The following IFT88 variants were observed in gnomAD, a reference collection of about 807,000 sequenced individuals.
The protein encoded by IFT88 is intraflagellar transport 88.
Under a neutral mutation model 119.5 loss-of-function variants are expected in IFT88, and 74 were observed. That is an observed-to-expected ratio of 0.62 (90% CI 0.51 to 0.75). IFT88 has a LOEUF of 0.75. Ranked by LOEUF, IFT88 falls within the 30% of genes least tolerant of loss-of-function variation. IFT88 has a pLI of 0.00. For missense variants in IFT88, 961 were observed against 977.7 expected, an observed-to-expected ratio of 0.98 and a Z score of 0.23; for synonymous variants, 279 against 316.7, an observed-to-expected ratio of 0.88 and a Z score of 1.26.
At chr13:20,659,080 A>C (rs2053365466) in intron 22 of IFT88, among the ~76,000 whole-genome samples, 1 of 152,252 alleles carries the variant, frequency 6.6e-6, no homozygotes. Context: ...GGATAAAACT[A>C]GCAGGATAAT....
chr13:20,592,376 T>TC lies in IFT88; in HGVS notation c.374dup (p.Leu126PhefsTer8). ...CCTTAGTCAGTCAAGGGGCCCTGCT[T>TC]CCCCTTTGGAAGCCAAGAAAAAAGA... On this transcript the variant is annotated frameshift_variant, in exon 7 of 26. Coordinates refer to ENST00000351808, the MANE Select transcript of IFT88 (RefSeq NM_006531.5). LOFTEE classifies it high-confidence loss of function. 2 of 1,611,492 alleles carry TC rather than the reference T, an allele frequency of 1.2e-6. No homozygotes were observed. The highest frequency in any genetic ancestry group is 1.7e-6 in the Non-Finnish European group (2 of 1,178,998).
chr13:20,568,135 T>C (rs2035318475), intron 1 of IFT88: 10 of 631,590 alleles, frequency 1.6e-5, no homozygotes, highest in South Asian at 9.0e-5. Context: ...TGAAGTAGAC[T>C]GTCCATAGTC....
chr13:20,617,104 C>T (rs914706871), intron 14 of IFT88, among the ~76,000 whole-genome samples: 2 of 152,026 alleles, frequency 1.3e-5, no homozygotes. Context: ...CCACCAAGCC[C>T]AGCTAATTTT....
Position 20,592,371 on chromosome 13 carries a change from C to G in IFT88, c.365C>G (p.Pro122Arg), listed in dbSNP as rs546356595. 1 of 1,611,388 alleles carries G rather than the reference C, an allele frequency of 6.2e-7. No individual in the cohort carries two copies. The highest frequency in any genetic ancestry group is 8.5e-7 in the Non-Finnish European group (1 of 1,178,978). ...GACCCCCTTAGTCAGTCAAGGGGCC[C>G]TGCTTCCCCTTTGGAAGCCAAGAAA... ...AFDPLSQSRG[P>R]ASPLEAKKKD... is the part of the protein sequence containing the mutation. The change falls in exon 7 of 26, where the codon CCT (proline) becomes CGT (arginine). Residue 122 changes from proline (P) to arginine (R), a missense_variant. Transcript: ENST00000351808.
chr13:20,679,649 C>T (rs1052058143), intron 24 of IFT88, among the ~76,000 whole-genome samples: 1 of 152,134 alleles, frequency 6.6e-6, no homozygotes, highest in Non-Finnish European at 1.5e-5. Flanking sequence ...TTTTAAATCA[C>T]CCACTACAAA....
At chr13:20,687,038 A>C (rs1198282640) in intron 24 of IFT88, among the ~76,000 whole-genome samples, 7 of 151,238 alleles carry the variant, frequency 4.6e-5, no homozygotes, top group South Asian at 2.1e-4. Flanking sequence ...AAAAAAAAAA[A>C]AAAAAAAAAA....
chr13:20,652,696 A>G (rs1369258003), intron 20 of IFT88, among the ~76,000 whole-genome samples: 1 of 152,196 alleles, frequency 6.6e-6, no homozygotes, highest in Non-Finnish European at 1.5e-5. Context: ...ATTAGAAGTC[A>G]TTATACTTAC....
intron 11 of IFT88, among the ~76,000 whole-genome samples, chr13:20,601,390 T>C (rs1393952193): frequency 2.0e-5 from 3 of 150,082 alleles, no homozygotes; most frequent in Admixed American, 1.3e-4. Context: ...AGACTAATGG[T>C]TACCTAGGGC....
intron 24 of IFT88, among the ~76,000 whole-genome samples, chr13:20,689,979 G>T (rs2141339502): frequency 6.6e-6 from 1 of 152,272 alleles, no homozygotes; most frequent in South Asian, 2.1e-4. Context: ...CAGTGGTAGG[G>T]GAAATGGTAA....
intron 13 of IFT88, among the ~76,000 whole-genome samples, chr13:20,613,249 C>A (rs2044924594): frequency 6.6e-6 from 1 of 151,908 alleles, no homozygotes. Flanking sequence ...AATAAAAAGG[C>A]CAATAGCCCA....
At chr13:20,634,761 C>T (rs1566285992) in intron 16 of IFT88, among the ~76,000 whole-genome samples, 2 of 150,544 alleles carry the variant, frequency 1.3e-5, no homozygotes, top group African/African-American at 4.9e-5. Flanking sequence ...AGAAATGGAG[C>T]TTTCTCAGGA....
intron 24 of IFT88, among the ~76,000 whole-genome samples, chr13:20,687,721 TAAAAAAAGA>T (rs1566495174): frequency 6.7e-6 from 1 of 150,070 alleles, no homozygotes. Flanking sequence ...TGTTGCGTGT[TAAAAAAAGA>T]AAAAAAAGAA....
intron 10 of IFT88, 147 bp from the exon 11 acceptor site, chr13:20,599,304 A>G (rs2042235737): frequency 4.1e-6 from 2 of 486,622 alleles, no homozygotes; most frequent in African/African-American, 2.0e-5. Flanking sequence ...TTTGAAAAGT[A>G]TAACTGTTTT....
At chr13:20,633,709 C>G (rs1299972588) in intron 16 of IFT88, among the ~76,000 whole-genome samples, 2 of 152,154 alleles carry the variant, frequency 1.3e-5, no homozygotes, top group African/African-American at 4.8e-5. Context: ...AGCATCTCAT[C>G]AGCAATTTCT....
intron 22 of IFT88, among the ~76,000 whole-genome samples, chr13:20,658,426 T>G (rs886563544): frequency 4.6e-5 from 7 of 152,180 alleles, no homozygotes; most frequent in African/African-American, 1.7e-4. Context: ...CTAGAAAGAT[T>G]TTCATTTAGA....
intron 15 of IFT88, among the ~76,000 whole-genome samples, 194 bp downstream of exon 15, chr13:20,626,043 C>CTTTT (rs528587128): frequency 1.5e-4 from 6 of 39,574 alleles, no homozygotes; most frequent in African/African-American, 3.5e-4. Context: ...TTTGTCGTTT[C>CTTTT]TTTTTTTTTT....
In IFT88 at chr13:20,573,476, T is replaced by A. The variant is rs1593650907; in HGVS notation, c.-6-904T>A. ...GAATTGTATTTTATGCCTCAATTCCTTTCTTTAGGTCGACAGCTACTATGA... is the reference window on the plus strand; with the variant it reads ...GAATTGTATTTTATGCCTCAATTCCATTCTTTAGGTCGACAGCTACTATGA... On this transcript the variant is annotated intron_variant, in intron 1 of 25. Transcript: ENST00000351808. Among the ~76,000 whole-genome samples, 5 of 152,344 alleles carry A rather than the reference T, an allele frequency of 3.3e-5. No individual in the cohort carries two copies. In the South Asian group the frequency reaches 1.0e-3, roughly 32 times the overall value.
At chr13:20,607,999 A>C in intron 13 of IFT88, 1 of 585,746 alleles carries the variant, frequency 1.7e-6, no homozygotes, top group Admixed American at 2.2e-5. Flanking sequence ...CTGAGCAGCA[A>C]GGAACATCAC....
chr13:20,612,509 T>A (rs999359721), intron 13 of IFT88, among the ~76,000 whole-genome samples: 4 of 152,140 alleles, frequency 2.6e-5, no homozygotes, highest in African/African-American at 7.2e-5. Context: ...CTAAATAAAT[T>A]ATGTCGTATT....
Sources: gnomAD v4.1 joint callset for allele counts (sites outside exome capture counted in the v4.1 genomes callset) on GRCh38, gnomAD v4.1.1 for gene constraint, MANE v1.5 for transcripts, NCBI Gene and HGNC (gene_info 2026-07-23, HGNC 2026-07-21) for gene names.